SMARCAD1: variants seen among roughly 807,000 people sequenced by gnomAD.
SMARCAD1 encodes the protein SNF2 related chromatin remodeling ATPase with DExD box 1.
Under a neutral mutation model 127.1 loss-of-function variants are expected in SMARCAD1, and 25 were observed. That is an observed-to-expected ratio of 0.20 (90% CI 0.14 to 0.27). The LOEUF (loss-of-function observed/expected upper bound fraction) is 0.27, where lower values mean the gene tolerates loss of function less well. Ranked by LOEUF, SMARCAD1 falls within the 10% of genes least tolerant of loss-of-function variation. The probability of loss-of-function intolerance (pLI) is 1.00; values close to 1 mark genes in which losing one functional copy is unlikely to be tolerated. For missense variants in SMARCAD1, 807 were observed against 1,206.0 expected, an observed-to-expected ratio of 0.67 and a Z score of 4.90; for synonymous variants, 400 against 396.9, an observed-to-expected ratio of 1.01 and a Z score of -0.09.
chr4:94,213,858 T>TA (rs1335170709), intron 2 of SMARCAD1, among the ~76,000 whole-genome samples: 1 of 152,160 alleles, frequency 6.6e-6, no homozygotes, highest in Non-Finnish European at 1.5e-5. Flanking sequence ...GGTTGAATAT[T>TA]AGAGCTCAGA....
intron 23 of SMARCAD1, among the ~76,000 whole-genome samples, chr4:94,287,413 A>G (rs1429674160): frequency 3.3e-5 from 5 of 152,128 alleles, no homozygotes; most frequent in African/African-American, 1.2e-4. Context: ...TTTTGTTACC[A>G]ATCTGTTTGT....
At chr4:94,279,103 T>C in intron 19 of SMARCAD1, 53 bp downstream of exon 19, 1 of 1,610,682 alleles carries the variant, frequency 6.2e-7, no homozygotes, top group Non-Finnish European at 8.5e-7. Flanking sequence ...GTTAAGTTGT[T>C]AGGCTATAAG....
rs1174954147 is a variant in SMARCAD1, at chr4:94,252,640, A to C, written c.914A>C (p.Glu305Ala). The C allele has an allele frequency of 5.1e-6, 8 of 1,570,862 alleles. No individual in the cohort carries two copies. Among genetic ancestry groups the C allele is most frequent in the Middle Eastern group, 1.7e-4 (1 of 5,870 alleles). The change falls in exon 9 of 24, where the codon GAG becomes GCG. Residue 305 changes from glutamate to alanine, a missense_variant. Transcript: ENST00000354268. The part of the protein sequence containing the change: ...DQDMQYVSQS[E>A]VPNGKEVSSR... The stretch of plus-strand genomic sequence containing the variant: ...GATATGCAATATGTATCACAAAGTG[A>C]GGTTCCAAATGGAAAAGAAGTTTCT...
chr4:94,279,165 A>AC (rs1753677853), intron 19 of SMARCAD1, 115 bp downstream of exon 19: 1 of 1,418,104 alleles, frequency 7.1e-7, no homozygotes, highest in Non-Finnish European at 9.7e-7. Flanking sequence ...TTTAAGAAAA[A>AC]CTTTTTTTTT....
rs1417757786 is a variant in SMARCAD1 at position 94,252,721 on chromosome 4, T to C, written c.995T>C (p.Phe332Ser). ...NATKTKLKQKFSMKAQNGFNK... is the reference protein window; with the variant it reads ...NATKTKLKQKSSMKAQNGFNK... ...ACTAAAACAAAACTAAAACAGAAAT[T>C]TTCAATGAAAGCACAAAATGGCTTT... is the stretch of plus-strand genomic sequence containing the variant. Residue 332 changes from phenylalanine (F) to serine (S), a missense_variant, in exon 9 of 24, where the codon TTT becomes TCT. Coordinates refer to ENST00000354268, the MANE Select transcript of SMARCAD1 (RefSeq NM_020159.5). 6.3e-7 allele frequency: 1 copy of C among 1,595,150 alleles called. No individual in the cohort carries two copies. The highest frequency in any genetic ancestry group is 8.5e-7 in the Non-Finnish European group (1 of 1,172,026).
At chr4:94,212,921 A>G in intron 2 of SMARCAD1, 4 of 470,448 alleles carry the variant, frequency 8.5e-6, no homozygotes, top group South Asian at 6.6e-5. Context: ...ATTTGAGGGC[A>G]TACACTTAAC....
intron 23 of SMARCAD1, 81 bp from the exon 24 acceptor site, chr4:94,289,392 A>G (rs1047741000): frequency 6.1e-6 from 8 of 1,303,346 alleles, no homozygotes; most frequent in Non-Finnish European, 8.8e-6. Flanking sequence ...AGAATTCACC[A>G]AAGAAAAAAA....
At chr4:94,233,909 G>A in intron 3 of SMARCAD1, 45 bp from the exon 4 acceptor site, 1 of 1,575,820 alleles carries the variant, frequency 6.3e-7, no homozygotes, top group Admixed American at 1.7e-5. Context: ...AATAACATTA[G>A]TAATACATTA....
intron 16 of SMARCAD1, among the ~76,000 whole-genome samples, chr4:94,277,445 A>G (rs1398859392): frequency 2.0e-5 from 3 of 152,216 alleles, no homozygotes; most frequent in Non-Finnish European, 2.9e-5. Flanking sequence ...GTATGTGCGG[A>G]AAGTTTGATC....
chr4:94,256,511 C>T (rs547296671), intron 9 of SMARCAD1, among the ~76,000 whole-genome samples: 5 of 152,154 alleles, frequency 3.3e-5, no homozygotes, highest in Admixed American at 1.3e-4. Flanking sequence ...TACAGGTGCC[C>T]GCCACCACAC....
chr4:94,267,779 A>T (rs1425218285), intron 10 of SMARCAD1, among the ~76,000 whole-genome samples: 2 of 152,144 alleles, frequency 1.3e-5, no homozygotes, highest in African/African-American at 4.8e-5. Flanking sequence ...AAAGCACTTA[A>T]CTTATTCAGA....
At chr4:94,263,004 C>T (rs1751246230) in intron 9 of SMARCAD1, among the ~76,000 whole-genome samples, 3 of 150,882 alleles carry the variant, frequency 2.0e-5, no homozygotes. Context: ...ACTAGTTATA[C>T]AGTGAAAAGG....
At chr4:94,253,121 G>T in intron 9 of SMARCAD1, 114 bp downstream of exon 9, 2 of 1,559,782 alleles carry the variant, frequency 1.3e-6, no homozygotes, top group Middle Eastern at 1.7e-4. Context: ...GCCTTATCCT[G>T]TGTAAAGTCA....
intron 12 of SMARCAD1, among the ~76,000 whole-genome samples, chr4:94,274,029 A>T (rs1182968632): frequency 1.3e-5 from 2 of 152,240 alleles, no homozygotes; most frequent in African/African-American, 4.8e-5. Flanking sequence ...TTTTAAATGT[A>T]GAATTAAACA....
chr4:94,246,766 C>G (rs1748492255), intron 6 of SMARCAD1, among the ~76,000 whole-genome samples: 1 of 152,160 alleles, frequency 6.6e-6, no homozygotes, highest in Non-Finnish European at 1.5e-5. Context: ...GCAAAACCAT[C>G]TAAGTCCATG....
intron 18 of SMARCAD1, 91 bp from the exon 19 acceptor site, chr4:94,278,838 A>G: frequency 6.2e-7 from 1 of 1,600,756 alleles, no homozygotes; most frequent in South Asian, 1.1e-5. Context: ...AATTATCTGG[A>G]ATTTGAGGAA....
chr4:94,218,964 A>G (rs557628513), intron 2 of SMARCAD1, among the ~76,000 whole-genome samples: 307 of 152,000 alleles, frequency 2.0e-3, no homozygotes, highest in Middle Eastern at 0.01. Flanking sequence ...GATGTGCACC[A>G]CCACGCCTGG....
chr4:94,243,334 T>TAA (rs1322032306), intron 6 of SMARCAD1, among the ~76,000 whole-genome samples: 2 of 152,200 alleles, frequency 1.3e-5, no homozygotes, highest in African/African-American at 4.8e-5. Flanking sequence ...GTCTGAGACA[T>TAA]CTGCACATGC....
intron 9 of SMARCAD1, chr4:94,253,460 A>G (rs1011046982): frequency 8.5e-7 from 1 of 1,180,884 alleles, no homozygotes; most frequent in Non-Finnish European, 1.1e-6. Flanking sequence ...ATGCCAGCCT[A>G]AGTGTTTTAT....
Sources: gnomAD v4.1 joint callset for allele counts (sites outside exome capture counted in the v4.1 genomes callset) on GRCh38, gnomAD v4.1.1 for gene constraint, MANE v1.5 for transcripts, NCBI Gene and HGNC (gene_info 2026-07-23, HGNC 2026-07-21) for gene names.